The following MSRA variants were observed in gnomAD, a reference collection of about 807,000 sequenced individuals.
The protein encoded by MSRA is mitochondrial peptide methionine sulfoxide reductase.
In MSRA, 54 loss-of-function variants were observed where a neutral mutation model predicts 31.3. The observed-to-expected ratio is 1.73, with a 90% CI of 1.39 to 2.17. The LOEUF (loss-of-function observed/expected upper bound fraction) is 2.17. MSRA is among the 30% of genes most tolerant of loss of function. MSRA has a pLI of 0.00. For missense variants in MSRA, 507 were observed against 300.9 expected (o/e 1.69, Z -5.07); for synonymous variants, 169 against 116.5 (o/e 1.45, Z -2.90).
intron 3 of MSRA, among the ~76,000 whole-genome samples, chr8:10,280,047 CT>C (rs1452156228): frequency 6.6e-6 from 1 of 152,136 alleles, no homozygotes; most frequent in Non-Finnish European, 1.5e-5. Flanking sequence ...GCTTTTTCTT[CT>C]TTCTGGGCCA....
intron 5 of MSRA, among the ~76,000 whole-genome samples, chr8:10,335,513 G>C (rs1166765282): frequency 6.6e-6 from 1 of 152,106 alleles, no homozygotes. Flanking sequence ...TTACCATCTG[G>C]CCTCAGAGCT....
At chr8:10,057,158 C>G (rs1356889536) in intron 1 of MSRA, among the ~76,000 whole-genome samples, 1 of 152,174 alleles carries the variant, frequency 6.6e-6, no homozygotes, top group African/African-American at 2.4e-5. Context: ...AACAGGCCTA[C>G]TTGGGTGAGT....
At chr8:10,110,029 A>C (rs554393738) in intron 1 of MSRA, among the ~76,000 whole-genome samples, 1 of 151,872 alleles carries the variant, frequency 6.6e-6, no homozygotes, top group Non-Finnish European at 1.5e-5. Flanking sequence ...CCCAGATTTC[A>C]GTCCGTCCTT....
chr8:10,217,157 C>T (rs544045394), intron 2 of MSRA, among the ~76,000 whole-genome samples: 3 of 152,278 alleles, frequency 2.0e-5, no homozygotes, highest in South Asian at 2.1e-4. Flanking sequence ...AAAATGTACA[C>T]GTTTGGGGGA....
At chr8:10,377,381 A>G (rs536803515) in intron 5 of MSRA, among the ~76,000 whole-genome samples, 12 of 152,376 alleles carry the variant, frequency 7.9e-5, no homozygotes, top group South Asian at 6.2e-4. Flanking sequence ...AGATTCTCTG[A>G]TATTACTAGT....
intron 1 of MSRA, among the ~76,000 whole-genome samples, chr8:10,145,226 A>C (rs192104817): frequency 6.6e-6 from 1 of 152,304 alleles, no homozygotes; most frequent in East Asian, 1.9e-4. Context: ...CACCTGTTCT[A>C]TGTGGGGATC....
chr8:10,285,266 C>T (rs993767489), intron 3 of MSRA, among the ~76,000 whole-genome samples: 14 of 152,146 alleles, frequency 9.2e-5, no homozygotes, highest in Admixed American at 6.6e-4. Flanking sequence ...AGTAGTCTTG[C>T]CTGCATTTAA....
At chr8:10,396,700 A>C (rs1807118168) in intron 5 of MSRA, among the ~76,000 whole-genome samples, 1 of 152,202 alleles carries the variant, frequency 6.6e-6, no homozygotes, top group African/African-American at 2.4e-5. Context: ...TGCCCTTAGA[A>C]ATGTTTCCAC....
intron 1 of MSRA, among the ~76,000 whole-genome samples, chr8:10,137,995 C>G (rs545849242): frequency 1.3e-5 from 2 of 152,262 alleles, no homozygotes; most frequent in African/African-American, 2.4e-5. Flanking sequence ...CAAGAGCACA[C>G]AGGTAATGCA....
intron 1 of MSRA, among the ~76,000 whole-genome samples, chr8:10,109,179 A>T (rs773965457): frequency 6.6e-6 from 1 of 152,140 alleles, no homozygotes; most frequent in East Asian, 1.9e-4. Context: ...GCCTGCCTTT[A>T]AAAAAAGCAC....
At chr8:10,338,934 A>C (rs1025020324) in intron 5 of MSRA, among the ~76,000 whole-genome samples, 2 of 152,226 alleles carry the variant, frequency 1.3e-5, no homozygotes, top group African/African-American at 4.8e-5. Context: ...AAATTTAAGT[A>C]AGGTTTTGGC....
At chr8:10,135,492 A>G (rs1000321539) in intron 1 of MSRA, among the ~76,000 whole-genome samples, 1 of 152,236 alleles carries the variant, frequency 6.6e-6, no homozygotes, top group Non-Finnish European at 1.5e-5. Context: ...TAATGACTTC[A>G]ATTCATAATA....
chr8:10,162,640 T>C (rs1041220167), intron 1 of MSRA, among the ~76,000 whole-genome samples: 2 of 152,090 alleles, frequency 1.3e-5, no homozygotes, highest in Admixed American at 1.3e-4. Flanking sequence ...CCTTACTATT[T>C]TACTATACCA....
At chr8:10,369,974 T>G (rs1220407655) in intron 5 of MSRA, among the ~76,000 whole-genome samples, 2 of 152,348 alleles carry the variant, frequency 1.3e-5, no homozygotes, top group Admixed American at 6.5e-5. Context: ...AAATCCTTGA[T>G]GGACACTTGG....
rs76359520 is a variant in MSRA at position 10,207,530 on chromosome 8, G to T, written c.143-303G>T. On this transcript the variant is annotated intron_variant, in intron 1 of 5. Coordinates refer to ENST00000317173, the MANE Select transcript of MSRA (RefSeq NM_012331.5). ...TTTAGAGATGGTGTGGCAGAAGAGG[G>T]ACTCTGGCTGGGTGTCGGGAGCCTT... is the stretch of plus-strand genomic sequence containing the variant. 2.2e-4 allele frequency among the ~76,000 whole-genome samples: 33 copies of T among 152,292 alleles called. 1 individual carries two copies. In the East Asian group the frequency reaches 6.2e-3, roughly 29 times the overall value.
chr8:10,098,693 A>C (rs954104854), intron 1 of MSRA, among the ~76,000 whole-genome samples: 2 of 152,330 alleles, frequency 1.3e-5, no homozygotes, highest in South Asian at 4.1e-4. Context: ...GTTGTATTAC[A>C]CGTAGCTGTA....
At chr8:10,221,906 G>C (rs1810537358) in intron 2 of MSRA, among the ~76,000 whole-genome samples, 1 of 152,160 alleles carries the variant, frequency 6.6e-6, no homozygotes, top group African/African-American at 2.4e-5. Flanking sequence ...GAGTGGCGGA[G>C]GCCTGTGTGG....
At chr8:10,148,118 G>A (rs922455470) in intron 1 of MSRA, among the ~76,000 whole-genome samples, 4 of 152,144 alleles carry the variant, frequency 2.6e-5, no homozygotes, top group African/African-American at 9.7e-5. Context: ...GGCTCCTCTC[G>A]GCTCTGCAGC....
intron 2 of MSRA, among the ~76,000 whole-genome samples, chr8:10,218,665 A>G (rs922140662): frequency 1.3e-5 from 2 of 152,156 alleles, no homozygotes; most frequent in Non-Finnish European, 2.9e-5. Flanking sequence ...CTTATGTACC[A>G]TTTTGCTCCA....
Sources: gnomAD v4.1 joint callset for allele counts (sites outside exome capture counted in the v4.1 genomes callset) on GRCh38, gnomAD v4.1.1 for gene constraint, MANE v1.5 for transcripts, NCBI Gene and HGNC (gene_info 2026-07-23, HGNC 2026-07-21) for gene names.